The following GYG2 variants were observed in gnomAD, a reference collection of about 807,000 sequenced individuals.
GYG2 encodes glycogenin 2.
A neutral mutation model predicts 29.4 loss-of-function variants in GYG2; 29 were observed. The ratio of observed to expected loss-of-function variants is 0.99; its 90% CI spans 0.74 to 1.35. The LOEUF is 1.35. GYG2 is among the 40% of genes most tolerant of loss of function. The probability of loss-of-function intolerance (pLI) is 0.00; values close to 1 mark genes in which losing one functional copy is unlikely to be tolerated. For synonymous variants in GYG2, 167 were observed against 172.3 expected, an observed-to-expected ratio of 0.97 and a Z score of 0.24; for missense variants, 370 against 385.7, an observed-to-expected ratio of 0.96 and a Z score of 0.34.
intron 2 of GYG2, among the ~76,000 whole-genome samples, chrX:2,832,977 A>G (rs1442028047): frequency 8.9e-6 from 1 of 112,002 alleles, no homozygotes; most frequent in Non-Finnish European, 1.9e-5. Context: ...ATATTCATAT[A>G]TGAATTTTGG....
In GYG2 at chrX:2,854,252, C is replaced by T. The variant is rs1216866769; in HGVS notation, c.324+98C>T. 54 of 551,067 alleles carry T rather than the reference C, an allele frequency of 9.8e-5. No homozygotes were observed. In the South Asian group the frequency reaches 1.1e-3, roughly 12 times the overall value. 45.4% of individuals were successfully genotyped at this position (551,067 alleles called of 1,213,427 possible). On this transcript the variant is annotated intron_variant, in intron 4 of 10. Coordinates refer to ENST00000398806, the MANE Select transcript of GYG2 (RefSeq NM_001079855.2). Reference sequence around the variant, plus strand: ...TTTTTTTGTGTGTGTGTGACACAGTCGCTCTGTCACCCAAGCTGGAGTGCA... The same window carrying T: ...TTTTTTTGTGTGTGTGTGACACAGTTGCTCTGTCACCCAAGCTGGAGTGCA...
chrX:2,854,346 C>T lies in GYG2; in HGVS notation c.324+192C>T, dbSNP rs188090952. On this transcript the variant is annotated intron_variant, in intron 4 of 10. Transcript: ENST00000398806. Reference sequence around the variant, plus strand: ...AAGTGATTCTCCCACCTCAGCCTCCCGAGTGGCTGCTATTACAGGCACCCG... The same window carrying T: ...AAGTGATTCTCCCACCTCAGCCTCCTGAGTGGCTGCTATTACAGGCACCCG... 3.4e-3 allele frequency among the ~76,000 whole-genome samples: 383 copies of T among 111,593 alleles called. 3 individuals are homozygous for T. The highest frequency in any genetic ancestry group is 0.012 in the African/African-American group (369 of 30,744).
intron 5 of GYG2, among the ~76,000 whole-genome samples, chrX:2,855,965 T>G (rs956082103): frequency 1.1e-4 from 12 of 111,755 alleles, no homozygotes; most frequent in African/African-American, 3.9e-4. Context: ...CAATAAAACT[T>G]TATTTATAAA....
intron 3 of GYG2, among the ~76,000 whole-genome samples, chrX:2,845,617 G>A (rs1213708488): frequency 9.7e-6 from 1 of 103,138 alleles, no homozygotes; most frequent in African/African-American, 3.5e-5. Flanking sequence ...ATTTATATAC[G>A]CATGTGTATT....
chrX:2,860,039 G>T lies in GYG2; in HGVS notation c.811G>T (p.Glu271Ter), dbSNP rs2088120449. ...CCTTTATAAAAGCGTCCAAGCGGGG[G>T]AAGCACGCGCGTCTCCTGGTCACAC... ...LPLYKSVQAG[E>*]ARASPGHTLC... Residue 271 changes from glutamate to a stop codon, truncating the protein, a stop_gained, in exon 7 of 11, where the codon GAA becomes TAA. Coordinates refer to ENST00000398806, the MANE Select transcript of GYG2 (RefSeq NM_001079855.2). LOFTEE classifies it high-confidence loss of function. 1 of 1,187,329 alleles carries T rather than the reference G, an allele frequency of 8.4e-7. No individual in the cohort carries two copies. The highest frequency in any genetic ancestry group is 1.1e-6 in the Non-Finnish European group (1 of 878,247).
At chrX:2,842,928 C>T (rs1312681329) in intron 2 of GYG2, 4 of 344,275 alleles carry the variant, frequency 1.2e-5, no homozygotes, top group Non-Finnish European at 2.1e-5. Flanking sequence ...ATCCTCCCAC[C>T]TCAGCCTCTC....
chrX:2,830,480 G>C (rs1165244907), intron 2 of GYG2, among the ~76,000 whole-genome samples: 2 of 112,226 alleles, frequency 1.8e-5, no homozygotes, highest in East Asian at 5.6e-4. Flanking sequence ...TGTTTCTTGG[G>C]AATAGCATTG....
At chrX:2,851,433 G>A (rs147429580) in intron 3 of GYG2, among the ~76,000 whole-genome samples, 1,531 of 111,483 alleles carry the variant, frequency 0.014, 41 homozygotes, top group African/African-American at 0.046. Flanking sequence ...TAGTAGAGAC[G>A]GGGTTTCACC....
intron 10 of GYG2, among the ~76,000 whole-genome samples, chrX:2,879,096 T>C (rs1184193888): frequency 9.0e-6 from 1 of 110,905 alleles, no homozygotes; most frequent in East Asian, 2.8e-4. Context: ...ATATAATATA[T>C]GGGAATGAGT....
At chrX:2,877,043 A>C (rs1218507069) in intron 9 of GYG2, among the ~76,000 whole-genome samples, 157 bp from the exon 10 acceptor site, 1 of 110,539 alleles carries the variant, frequency 9.0e-6, no homozygotes, top group Non-Finnish European at 1.9e-5. Context: ...TTGGCCTCCT[A>C]AAATGCTGGG....
At chrX:2,838,508 A>G (rs1327718695) in intron 2 of GYG2, among the ~76,000 whole-genome samples, 1 of 78,712 alleles carries the variant, frequency 1.3e-5, no homozygotes, top group African/African-American at 5.0e-5. Context: ...CTTTTGTTGC[A>G]TACTCTCTGG....
In GYG2 at chrX:2,856,562, C is replaced by G. The variant is rs1365383076; in HGVS notation, c.552C>G (p.His184Gln). The change falls in exon 6 of 11, where the codon CAC (histidine) becomes CAG (glutamine). Residue 184 changes from histidine (H) to glutamine (Q), a missense_variant. His to Gln is a conservative substitution (Grantham distance 24). Coordinates refer to ENST00000398806, the MANE Select transcript of GYG2 (RefSeq NM_001079855.2). The part of the protein sequence containing the change: ...RNWSTTDIHK[H>Q]LPFIYNLSSN... ...GGTCGACCACAGACATCCACAAGCA[C>G]CTGCCGTTCATCTATAACTTGAGTA... 8.3e-7 allele frequency: 1 copy of G among 1,201,300 alleles called. No homozygotes were observed. Among genetic ancestry groups the G allele is most frequent in the East Asian group, 3.0e-5 (1 of 33,685 alleles).
intron 9 of GYG2, 23 bp downstream of exon 9, chrX:2,875,937 A>G (rs2088583270): frequency 2.4e-6 from 2 of 847,416 alleles, no homozygotes; most frequent in Non-Finnish European, 3.5e-6. Context: ...TATATGACCT[A>G]CACATGGCCA....
chrX:2,875,755 C>A, intron 8 of GYG2, 55 bp from the exon 9 acceptor site: 2 of 766,333 alleles, frequency 2.6e-6, no homozygotes, highest in Non-Finnish European at 4.0e-6. Flanking sequence ...AATTAAGTTG[C>A]ATTTATTTGC....
Position 2,859,790 on chromosome X carries a change from T to C in GYG2, c.615-53T>C, listed in dbSNP as rs942815284. On this transcript the variant is annotated intron_variant, in intron 6 of 10. Coordinates refer to ENST00000398806, the MANE Select transcript of GYG2 (RefSeq NM_001079855.2). Reference sequence around the variant, plus strand: ...CCATGGTAGGTGGATGCTTTCTGGGTGTCTTTTATCACATCTGAGTGGAAA... The same window carrying C: ...CCATGGTAGGTGGATGCTTTCTGGGCGTCTTTTATCACATCTGAGTGGAAA... The C allele has an allele frequency of 2.0e-5, 16 of 814,188 alleles. No individual in the cohort carries two copies. In the African/African-American group the frequency reaches 3.2e-4, roughly 16 times the overall value. The allele number at this position is 814,188 out of a possible 1,213,427, so 67.1% of individuals were successfully genotyped here.
At chrX:2,862,072 A>G (rs1475053500) in intron 8 of GYG2, among the ~76,000 whole-genome samples, 2 of 59,282 alleles carry the variant, frequency 3.4e-5, no homozygotes, top group Non-Finnish European at 8.9e-5. Flanking sequence ...CCTTCAAAGA[A>G]GAAGGTGGAA....
At chrX:2,876,734 G>T (rs2088609294) in intron 9 of GYG2, among the ~76,000 whole-genome samples, 1 of 110,052 alleles carries the variant, frequency 9.1e-6, no homozygotes, top group African/African-American at 3.3e-5. Flanking sequence ...GGATCATGAG[G>T]TCAGGAGATC....
chrX:2,850,760 CA>C (rs893472544), intron 3 of GYG2, among the ~76,000 whole-genome samples: 1 of 110,493 alleles, frequency 9.1e-6, no homozygotes, highest in Non-Finnish European at 1.9e-5. Context: ...CACCAGAGAA[CA>C]ACCCCCCTTT....
intron 10 of GYG2, among the ~76,000 whole-genome samples, chrX:2,879,981 A>G (rs1288020428): frequency 1.8e-5 from 2 of 112,084 alleles, no homozygotes; most frequent in East Asian, 5.6e-4. Context: ...ATGATAGATA[A>G]TAGATGGTTG....
Sources: gnomAD v4.1 joint callset for allele counts (sites outside exome capture counted in the v4.1 genomes callset) on GRCh38, gnomAD v4.1.1 for gene constraint, MANE v1.5 for transcripts, NCBI Gene and HGNC (gene_info 2026-07-23, HGNC 2026-07-21) for gene names.